The following TMEM229A variants were observed in gnomAD, a reference collection of about 807,000 sequenced individuals.
TMEM229A encodes the protein transmembrane protein 229A.
A neutral mutation model predicts 30.0 loss-of-function variants in TMEM229A; 23 were observed. That is an observed-to-expected ratio of 0.77 (90% confidence interval 0.55 to 1.09). TMEM229A has a LOEUF of 1.09. Ranked by LOEUF, TMEM229A falls within the 50% of genes least tolerant of loss-of-function variation. The pLI, the probability that TMEM229A is intolerant of heterozygous loss-of-function variation, is 0.00. For synonymous variants in TMEM229A, 264 were observed against 241.5 expected, an observed-to-expected ratio of 1.09 and a Z score of -0.86; for missense variants, 534 against 525.9, an observed-to-expected ratio of 1.02 and a Z score of -0.15.
Position 124,032,402 on chromosome 7 carries a change from C to CGCTGCT in TMEM229A, c.596_601dup (p.Gln199_Gln200dup), listed in dbSNP as rs71163719. 5.0e-5 allele frequency: 77 copies of CGCTGCT among 1,539,128 alleles called. No homozygotes were observed. Among genetic ancestry groups the CGCTGCT allele is most frequent in the East Asian group, 4.9e-4 (20 of 40,420 alleles). ...GGGAGGGACGGGGAGCGCGCCCCTCCGCTGCTGCTGCTGCTGCTGCTGCTG... is the reference window on the plus strand; with the variant it reads ...GGGAGGGACGGGGAGCGCGCCCCTCCGCTGCTGCTGCTGCTGCTGCTGCTGCTGCTG... On this transcript the variant is annotated inframe_insertion, in exon 1 of 1. Transcript: ENST00000455783. The surrounding 1 kb of genome is among the most constrained non-coding windows in gnomAD (Gnocchi z 6.6).
In TMEM229A at chr7:124,032,506, C is replaced by T. The variant is rs1039055066; in HGVS notation, c.498G>A (p.Ala166=). ...TCAGGAACACTTGGCAGTGGTAGAG[C>T]GCCAGCACGTACTGCAGCGCCAGGT... ...ALDLALQYVL[A]LYHCQVFLKR... The change falls in exon 1 of 1, where the codon GCG becomes GCA. Residue 166 remains alanine (A), a synonymous_variant. Coordinates refer to ENST00000455783, the MANE Select transcript of TMEM229A (RefSeq NM_001136002.2). This position sits in a 1 kb window ranked among gnomAD's most constrained non-coding sequence, Gnocchi z 6.6. 6 of 1,550,118 alleles carry T rather than the reference C, an allele frequency of 3.9e-6. No individual in the cohort carries two copies. The highest frequency in any genetic ancestry group is 5.2e-6 in the Non-Finnish European group (6 of 1,146,532).
At position 124,031,809 on chromosome 7, in the gene TMEM229A, C is replaced by G. The variant is rs947244850; in HGVS notation, c.*52G>C. On this transcript the variant is annotated 3_prime_UTR_variant, in exon 1 of 1. Transcript: ENST00000455783. This position sits in a 1 kb window ranked among gnomAD's most constrained non-coding sequence, Gnocchi z 4.1. ...TTAAATGTGTAAAAATAAATCGCAT[C>G]CATTCGTGGGAATCCAGTGACTTTT... The G allele has an allele frequency of 1.0e-5, 15 of 1,439,214 alleles. No individual in the cohort carries two copies. The highest frequency in any genetic ancestry group is 1.4e-5 in the Non-Finnish European group (15 of 1,091,378). The allele number at this position is 1,439,214 out of a possible 1,614,324, so 89.2% of individuals were successfully genotyped here.
chr7:124,032,006 GC>G lies in TMEM229A; in HGVS notation c.997del (p.Ala333LeufsTer19). 6.4e-7 allele frequency: 1 copy of G among 1,551,676 alleles called. No individual in the cohort carries two copies. The highest frequency in any genetic ancestry group is 2.4e-5 in the East Asian group (1 of 40,906). ...GTAGTGAGAATAGTCCCAGGAACAAGCCCCGCACGTGCGGAGTCCCAGACCC... is the reference window on the plus strand; with the variant it reads ...GTAGTGAGAATAGTCCCAGGAACAAGCCCGCACGTGCGGAGTCCCAGACCC... ...SWGLGLRTCGACSWDYSHYPL... is the reference protein window; with the variant it reads ...SWGLGLRTCGXCSWDYSHYPL... On this transcript the variant is annotated frameshift_variant, in exon 1 of 1. Transcript: ENST00000455783. LOFTEE classifies it high-confidence loss of function. The surrounding 1 kb of genome is among the most constrained non-coding windows in gnomAD (Gnocchi z 6.6).
In TMEM229A at chr7:124,032,654, G is replaced by A. The variant is rs959769064; in HGVS notation, c.350C>T (p.Ala117Val). 18 of 1,551,252 alleles carry A rather than the reference G, an allele frequency of 1.2e-5. No individual in the cohort carries two copies. The highest frequency in any genetic ancestry group is 1.6e-5 in the Non-Finnish European group (18 of 1,146,836). The change falls in exon 1 of 1, where the codon GCC becomes GTC. Residue 117 changes from alanine to valine, a missense_variant. Ala to Val is a moderately conservative substitution (Grantham distance 64, BLOSUM62 0). Transcript: ENST00000455783. This position sits in a 1 kb window ranked among gnomAD's most constrained non-coding sequence, Gnocchi z 6.6. Reference sequence around the variant, plus strand: ...GTAGAGGAGGAAATTGAAGACGAAGGCGTTGGGACAGCGCCGCTGCTGCAG... The same window carrying A: ...GTAGAGGAGGAAATTGAAGACGAAGACGTTGGGACAGCGCCGCTGCTGCAG... ...VYLQQRRCPNAFVFNFLLYPS... is the reference protein window; with the variant it reads ...VYLQQRRCPNVFVFNFLLYPS...
rs774130430 is a variant in TMEM229A, at chr7:124,032,411, T to A, written c.593A>T (p.Gln198Leu). 2 of 1,376,792 alleles carry A rather than the reference T, an allele frequency of 1.5e-6. No individual in the cohort carries two copies. Among genetic ancestry groups the A allele is most frequent in the South Asian group, 2.6e-5 (2 of 75,632 alleles). 85.3% of individuals were successfully genotyped at this position (1,376,792 alleles called of 1,614,324 possible). ...GGGGAGCGCGCCCCTCCGCTGCTGC[T>A]GCTGCTGCTGCTGCTGCTGTTGCTG... is the stretch of plus-strand genomic sequence containing the variant. ...RQQQQQQQQQQQQRRGALPVP... is the reference protein window; with the variant it reads ...RQQQQQQQQQLQQRRGALPVP... The change falls in exon 1 of 1, where the codon CAG becomes CTG. Residue 198 changes from glutamine to leucine, a missense_variant. By Grantham distance (113) the Gln-to-Leu change is moderately radical (BLOSUM62 -2). Transcript: ENST00000455783. The surrounding 1 kb of genome is among the most constrained non-coding windows in gnomAD (Gnocchi z 6.6).
rs887746238 is a variant in TMEM229A, at chr7:124,032,046, A to G, written c.958T>C (p.Trp320Arg). ...VPIYVIFIYV[W>R]ELSWGLGLRT... ...AGTCCCAGACCCCAGGACAGCTCCCACACGTAGATGAAGATCACGTAGATG... is the reference window on the plus strand; with the variant it reads ...AGTCCCAGACCCCAGGACAGCTCCCGCACGTAGATGAAGATCACGTAGATG... The change falls in exon 1 of 1, where the codon TGG becomes CGG. Residue 320 changes from tryptophan (W) to arginine (R), a missense_variant. Transcript: ENST00000455783. This position sits in a 1 kb window ranked among gnomAD's most constrained non-coding sequence, Gnocchi z 6.6. The G allele has an allele frequency of 3.2e-6, 5 of 1,551,592 alleles. No individual in the cohort carries two copies. In the African/African-American group the frequency reaches 6.8e-5, roughly 21 times the overall value.
rs1230334661 is a variant in TMEM229A, at chr7:124,032,454, GC to G, written c.549del (p.Arg184AspfsTer131). 1 of 1,548,272 alleles carries G rather than the reference GC, an allele frequency of 6.5e-7. No individual in the cohort carries two copies. The highest frequency in any genetic ancestry group is 1.7e-4 in the Middle Eastern group (1 of 5,718). On this transcript the variant is annotated frameshift_variant, in exon 1 of 1. Coordinates refer to ENST00000455783, the MANE Select transcript of TMEM229A (RefSeq NM_001136002.2). LOFTEE classifies it high-confidence loss of function. This position sits in a 1 kb window ranked among gnomAD's most constrained non-coding sequence, Gnocchi z 6.6. ...FLKRFLRLRY[G>X]RQRRRQQQQQ... is the part of the protein sequence containing the mutation. Reference sequence around the variant, plus strand: ...TGTTGCTGCTGCCGCCGCCTCTGTCGCCCGTACCGCAAGCGCAGGAAGCGCT... The same window carrying G: ...TGTTGCTGCTGCCGCCGCCTCTGTCGCCGTACCGCAAGCGCAGGAAGCGCT...
Position 124,031,971 on chromosome 7 carries a change from A to G in TMEM229A, c.1033T>C (p.Phe345Leu), listed in dbSNP as rs1322746072. 2 of 1,551,518 alleles carry G rather than the reference A, an allele frequency of 1.3e-6. No individual in the cohort carries two copies. Among genetic ancestry groups the G allele is most frequent in the Admixed American group, 2.0e-5 (1 of 50,982 alleles). Reference protein sequence around the residue: ...SWDYSHYPLNFMGLITLMYLP... With the variant: ...SWDYSHYPLNLMGLITLMYLP... Reference sequence around the variant, plus strand: ...TACATCAGGGTGATGAGGCCCATAAAATTGAGCGGGTAGTGAGAATAGTCC... The same window carrying G: ...TACATCAGGGTGATGAGGCCCATAAGATTGAGCGGGTAGTGAGAATAGTCC... The change falls in exon 1 of 1, where the codon TTT becomes CTT. Residue 345 changes from phenylalanine to leucine, a missense_variant. By Grantham distance (22) the Phe-to-Leu change is conservative. Transcript: ENST00000455783. The surrounding 1 kb of genome is among the most constrained non-coding windows in gnomAD (Gnocchi z 4.1).
At position 124,032,817 on chromosome 7, in the gene TMEM229A, G is replaced by A; in HGVS notation, c.187C>T (p.His63Tyr). Reference sequence around the variant, plus strand: ...ACCAGCACGTCCAGGGTGATCCCGTGCATCCCGTAGAAGTAGAGGCGCATC... The same window carrying A: ...ACCAGCACGTCCAGGGTGATCCCGTACATCCCGTAGAAGTAGAGGCGCATC... Reference protein sequence around the residue: ...AWMRLYFYGMHGITLDVLVSS... With the variant: ...AWMRLYFYGMYGITLDVLVSS... The change falls in exon 1 of 1, where the codon CAC (histidine) becomes TAC (tyrosine). Residue 63 changes from histidine to tyrosine, a missense_variant. Transcript: ENST00000455783. The surrounding 1 kb of genome is among the most constrained non-coding windows in gnomAD (Gnocchi z 6.6). The A allele has an allele frequency of 6.5e-7, 1 of 1,550,080 alleles. No individual in the cohort carries two copies. The highest frequency in any genetic ancestry group is 8.7e-7 in the Non-Finnish European group (1 of 1,146,508).
In TMEM229A at chr7:124,032,632, G is replaced by C. The variant is rs1350775011; in HGVS notation, c.372C>G (p.Leu124=). 2 of 1,551,188 alleles carry C rather than the reference G, an allele frequency of 1.3e-6. No homozygotes were observed. Among genetic ancestry groups the C allele is most frequent in the African/African-American group, 1.4e-5 (1 of 73,022 alleles). Residue 124 remains leucine (L), a synonymous_variant, in exon 1 of 1, where the codon CTC becomes CTG. Coordinates refer to ENST00000455783, the MANE Select transcript of TMEM229A (RefSeq NM_001136002.2). The surrounding 1 kb of genome is among the most constrained non-coding windows in gnomAD (Gnocchi z 6.6). ...CPNAFVFNFL[L]YPSAHVGLQT... ...GCAGCCCCACGTGGGCCGAGGGGTA[G>C]AGGAGGAAATTGAAGACGAAGGCGT...
chr7:124,032,235 A>C lies in TMEM229A; in HGVS notation c.769T>G (p.Phe257Val). The C allele has an allele frequency of 1.3e-6, 2 of 1,551,712 alleles. No homozygotes were observed. Among genetic ancestry groups the C allele is most frequent in the Non-Finnish European group, 1.7e-6 (2 of 1,147,000 alleles). Residue 257 changes from phenylalanine to valine, a missense_variant, in exon 1 of 1, where the codon TTC (phenylalanine) becomes GTC (valine). Phe to Val is a conservative substitution (Grantham distance 50). Transcript: ENST00000455783. This position sits in a 1 kb window ranked among gnomAD's most constrained non-coding sequence, Gnocchi z 6.6. ...FGMHGFLDEI[F>V]FTFFFNVLGQ... ...AGTACGTTGAAGAAGAAGGTGAAGAAGATCTCATCCAGAAAGCCGTGCATT... is the reference window on the plus strand; with the variant it reads ...AGTACGTTGAAGAAGAAGGTGAAGACGATCTCATCCAGAAAGCCGTGCATT...
At position 124,032,988 on chromosome 7, in the gene TMEM229A, C is replaced by T. The variant is rs993880143; in HGVS notation, c.16G>A (p.Val6Met). Residue 6 changes from valine (V) to methionine (M), a missense_variant, in exon 1 of 1, where the codon GTG (valine) becomes ATG (methionine). Transcript: ENST00000455783. The surrounding 1 kb of genome is among the most constrained non-coding windows in gnomAD (Gnocchi z 6.6). MAGSD[V>M]DSEGPARRGG... The stretch of plus-strand genomic sequence containing the variant: ...CTCCGTGCGGGGCCCTCGCTGTCCA[C>T]GTCGCTCCCCGCCATGGGCTCGGAG... 6.7e-5 allele frequency: 86 copies of T among 1,278,622 alleles called. 1 individual carries two copies. In the African/African-American group the frequency reaches 1.3e-3, roughly 19 times the overall value. The allele number at this position is 1,278,622 out of a possible 1,614,324, so 79.2% of individuals were successfully genotyped here.
chr7:124,032,737 G>A lies in TMEM229A; in HGVS notation c.267C>T (p.Ser89=), dbSNP rs1001168925. ...RSPDLRMLGF[S]SPYRCLLHSL... is the part of the protein sequence containing the mutation. Reference sequence around the variant, plus strand: ...AGTGCAGCAGGCAGCGGTAGGGCGAGGAGAAGCCTAGCATCCGCAGGTCCG... The same window carrying A: ...AGTGCAGCAGGCAGCGGTAGGGCGAAGAGAAGCCTAGCATCCGCAGGTCCG... The change falls in exon 1 of 1, where the codon TCC becomes TCT. Residue 89 remains serine, a synonymous_variant. Coordinates refer to ENST00000455783, the MANE Select transcript of TMEM229A (RefSeq NM_001136002.2). The surrounding 1 kb of genome is among the most constrained non-coding windows in gnomAD (Gnocchi z 6.6). 6 of 1,551,328 alleles carry A rather than the reference G, an allele frequency of 3.9e-6. No individual in the cohort carries two copies. Among genetic ancestry groups the A allele is most frequent in the Non-Finnish European group, 5.2e-6 (6 of 1,146,890 alleles).
In TMEM229A at chr7:124,032,278, G is replaced by T; in HGVS notation, c.726C>A (p.Pro242=). The T allele has an allele frequency of 1.3e-6, 2 of 1,551,294 alleles. No individual in the cohort carries two copies. The highest frequency in any genetic ancestry group is 1.7e-6 in the Non-Finnish European group (2 of 1,146,982). Residue 242 remains proline (P), a synonymous_variant, in exon 1 of 1, where the codon CCC becomes CCA. Coordinates refer to ENST00000455783, the MANE Select transcript of TMEM229A (RefSeq NM_001136002.2). The surrounding 1 kb of genome is among the most constrained non-coding windows in gnomAD (Gnocchi z 6.6). ...CGTGCATTCCGAAGAAAAGAAAGCG[G>T]GGTAGGTCGGGCAGCCCCTGGCTGG... is the stretch of plus-strand genomic sequence containing the variant. ...GAPSQGLPDL[P]RFLFFGMHGF... is the part of the protein sequence containing the mutation.
In TMEM229A at chr7:124,031,997, C is replaced by G; in HGVS notation, c.1007G>C (p.Trp336Ser). 6.4e-7 allele frequency: 1 copy of G among 1,551,636 alleles called. No individual in the cohort carries two copies. The highest frequency in any genetic ancestry group is 8.7e-7 in the Non-Finnish European group (1 of 1,146,990). ...LGLRTCGACS[W>S]DYSHYPLNFM... is the part of the protein sequence containing the mutation. ...ATTGAGCGGGTAGTGAGAATAGTCC[C>G]AGGAACAAGCCCCGCACGTGCGGAG... is the stretch of plus-strand genomic sequence containing the variant. Residue 336 changes from tryptophan to serine, a missense_variant, in exon 1 of 1, where the codon TGG becomes TCG. Trp to Ser is a radical substitution (Grantham distance 177). Coordinates refer to ENST00000455783, the MANE Select transcript of TMEM229A (RefSeq NM_001136002.2). The surrounding 1 kb of genome is among the most constrained non-coding windows in gnomAD (Gnocchi z 4.1).
rs931304080 is a variant in TMEM229A, at chr7:124,032,602, G to A, written c.402C>T (p.Thr134=). Residue 134 remains threonine, a synonymous_variant, in exon 1 of 1, where the codon ACC becomes ACT. Transcript: ENST00000455783. This position sits in a 1 kb window ranked among gnomAD's most constrained non-coding sequence, Gnocchi z 6.6. ...TGAGTAGTAGCGCCTGGCCCGCTAG[G>A]GTCTGCAGCCCCACGTGGGCCGAGG... ...LYPSAHVGLQ[T]LAGQALLLSL... 12 of 1,550,814 alleles carry A rather than the reference G, an allele frequency of 7.7e-6. No individual in the cohort carries two copies. In the African/African-American group the frequency reaches 1.4e-4, roughly 18 times the overall value.
chr7:124,032,015 G>C lies in TMEM229A; in HGVS notation c.989C>G (p.Thr330Arg). 1 of 1,551,672 alleles carries C rather than the reference G, an allele frequency of 6.4e-7. No homozygotes were observed. The highest frequency in any genetic ancestry group is 8.7e-7 in the Non-Finnish European group (1 of 1,146,982). Residue 330 changes from threonine to arginine, a missense_variant, in exon 1 of 1, where the codon ACG becomes AGG. Coordinates refer to ENST00000455783, the MANE Select transcript of TMEM229A (RefSeq NM_001136002.2). This position sits in a 1 kb window ranked among gnomAD's most constrained non-coding sequence, Gnocchi z 6.6. ...WELSWGLGLR[T>R]CGACSWDYSH... Reference sequence around the variant, plus strand: ...ATAGTCCCAGGAACAAGCCCCGCACGTGCGGAGTCCCAGACCCCAGGACAG... The same window carrying C: ...ATAGTCCCAGGAACAAGCCCCGCACCTGCGGAGTCCCAGACCCCAGGACAG...
chr7:124,032,398 C>G lies in TMEM229A; in HGVS notation c.606G>C (p.Arg202Ser). 1 of 1,538,574 alleles carries G rather than the reference C, an allele frequency of 6.5e-7. No individual in the cohort carries two copies. The change falls in exon 1 of 1, where the codon AGG becomes AGC. Residue 202 changes from arginine to serine, a missense_variant. Arg to Ser is a moderately radical substitution (Grantham distance 110). Transcript: ENST00000455783. This position sits in a 1 kb window ranked among gnomAD's most constrained non-coding sequence, Gnocchi z 6.6. Reference sequence around the variant, plus strand: ...CGCCGGGAGGGACGGGGAGCGCGCCCCTCCGCTGCTGCTGCTGCTGCTGCT... The same window carrying G: ...CGCCGGGAGGGACGGGGAGCGCGCCGCTCCGCTGCTGCTGCTGCTGCTGCT... ...QQQQQQQQQR[R>S]GALPVPPGAR... is the part of the protein sequence containing the mutation.
At position 124,031,678 on chromosome 7, in the gene TMEM229A, T is replaced by C; in HGVS notation, c.*183A>G. The C allele has an allele frequency of 6.6e-6, 4 of 606,196 alleles. No individual in the cohort carries two copies. Among genetic ancestry groups the C allele is most frequent in the South Asian group, 5.3e-5 (2 of 37,726 alleles). 37.6% of individuals were successfully genotyped at this position (606,196 alleles called of 1,614,324 possible). ...ATGTTTCGAGTAGTGTTTCAAAGTA[T>C]ATTATACACGGGTTTCAAATAGAAA... On this transcript the variant is annotated 3_prime_UTR_variant, in exon 1 of 1. Transcript: ENST00000455783. The surrounding 1 kb of genome is among the most constrained non-coding windows in gnomAD (Gnocchi z 4.1).
Sources: gnomAD v4.1 joint callset for allele counts on GRCh38, gnomAD v4.1.1 for gene constraint, Gnocchi (gnomAD v3.1) non-coding constraint, MANE v1.5 for transcripts, NCBI Gene and HGNC (gene_info 2026-07-23, HGNC 2026-07-21) for gene names.